The following ELAPOR1 variants were observed in gnomAD, a reference collection of about 807,000 sequenced individuals.
ELAPOR1 encodes the protein endosome-lysosome associated apoptosis and autophagy regulator 1, also known as endosome/lysosome-associated apoptosis and autophagy regulator 1.
Under a neutral mutation model 119.7 loss-of-function variants are expected in ELAPOR1, and 77 were observed. The observed-to-expected ratio is 0.64, with a 90% CI of 0.54 to 0.78. The LOEUF (loss-of-function observed/expected upper bound fraction) is 0.78, where lower values mean the gene tolerates loss of function less well. Ranked by LOEUF, ELAPOR1 falls within the 30% of genes least tolerant of loss-of-function variation. ELAPOR1 has a pLI of 0.00. For missense variants in ELAPOR1, 1,115 were observed against 1,270.4 expected (o/e 0.88, Z 1.86); for synonymous variants, 481 against 487.2 (o/e 0.99, Z 0.17).
intron 5 of ELAPOR1, among the ~76,000 whole-genome samples, 190 bp from the exon 6 acceptor site, chr1:109,173,284 G>A (rs1652037763): frequency 6.6e-6 from 1 of 152,038 alleles, no homozygotes; most frequent in African/African-American, 2.4e-5. Context: ...GGTTGTAAGA[G>A]GAGGCTTAGA....
At chr1:109,185,278 G>C (rs1427609505) in intron 8 of ELAPOR1, 145 bp downstream of exon 8, 1 of 648,304 alleles carries the variant, frequency 1.5e-6, no homozygotes, top group African/African-American at 1.8e-5. Context: ...CTAGGGCTAG[G>C]TGGGGTGGGG....
At position 109,191,404 on chromosome 1, in the gene ELAPOR1, A is replaced by G. The variant is rs754875094; in HGVS notation, c.1478A>G (p.Glu493Gly). ...QSVMADTENK[E>G]VARITFVFET... Reference sequence around the variant, plus strand: ...GTGATGGCAGACACAGAGAATAAAGAGGTGGCCAGAATCACATTTGTCTTT... The same window carrying G: ...GTGATGGCAGACACAGAGAATAAAGGGGTGGCCAGAATCACATTTGTCTTT... Residue 493 changes from glutamate to glycine, a missense_variant, in exon 12 of 22, where the codon GAG becomes GGG. Glu to Gly is a moderately conservative substitution (Grantham distance 98, BLOSUM62 -2). Transcript: ENST00000369939. 6.2e-7 allele frequency: 1 copy of G among 1,614,148 alleles called. No homozygotes were observed. The highest frequency in any genetic ancestry group is 1.7e-5 in the Admixed American group (1 of 60,016).
intron 1 of ELAPOR1, among the ~76,000 whole-genome samples, chr1:109,147,451 G>A (rs1650245025): frequency 6.6e-6 from 1 of 152,164 alleles, no homozygotes; most frequent in Non-Finnish European, 1.5e-5. Context: ...GTGTTTGTGT[G>A]TGGGGGTGTG....
At chr1:109,159,766 A>G (rs1374389183) in intron 1 of ELAPOR1, among the ~76,000 whole-genome samples, 1 of 152,208 alleles carries the variant, frequency 6.6e-6, no homozygotes. Context: ...CTTGCCTTAT[A>G]GGGAGTCGTG....
intron 1 of ELAPOR1, among the ~76,000 whole-genome samples, chr1:109,124,897 A>G (rs1180476405): frequency 6.6e-6 from 1 of 151,532 alleles, no homozygotes; most frequent in Non-Finnish European, 1.5e-5. Flanking sequence ...CTGGCTCCTC[A>G]CTCTACCACT....
Position 109,192,637 on chromosome 1 carries a change from C to T in ELAPOR1, c.1710C>T (p.Ala570=). 1 of 1,614,150 alleles carries T rather than the reference C, an allele frequency of 6.2e-7. No individual in the cohort carries two copies. Among genetic ancestry groups the T allele is most frequent in the Non-Finnish European group, 8.5e-7 (1 of 1,180,020 alleles). ...GCAGGAAGTACACCAATGACGTTGC[C>T]AAGATCTACTCCATCAATGTCACCA... The part of the protein sequence containing the change: ...EASRKYTNDV[A]KIYSINVTNV... The change falls in exon 14 of 22, where the codon GCC becomes GCT. Residue 570 remains alanine (A), a synonymous_variant. Transcript: ENST00000369939.
chr1:109,202,422 A>G (rs1445950250), intron 21 of ELAPOR1, among the ~76,000 whole-genome samples: 1 of 150,360 alleles, frequency 6.7e-6, no homozygotes, highest in African/African-American at 2.5e-5. Flanking sequence ...GCCTGGCCAA[A>G]AACATTTTTT....
chr1:109,119,465 T>C (rs1350556187), intron 1 of ELAPOR1, among the ~76,000 whole-genome samples: 2 of 150,892 alleles, frequency 1.3e-5, no homozygotes, highest in Non-Finnish European at 2.9e-5. Context: ...ATTACAGGTG[T>C]GAGCCACCGC....
intron 1 of ELAPOR1, among the ~76,000 whole-genome samples, chr1:109,133,393 C>T (rs1649271250): frequency 6.6e-6 from 1 of 151,316 alleles, no homozygotes; most frequent in South Asian, 2.1e-4. Context: ...GCTCACAGCC[C>T]ATGAAAAAAA....
rs150290648 is a variant in ELAPOR1 at position 109,125,305 on chromosome 1, A to G, written c.153+10969A>G. Among the ~76,000 whole-genome samples the G allele has an allele frequency of 2.2e-4, 33 of 151,674 alleles. No individual in the cohort carries two copies. The East Asian group carries it at 6.3e-3, about 29-fold the overall frequency. ...AGGCTGGTCTCGAACTCCTGACCTC[A>G]AGTGATCCAGCGCTCCTTGGCCTCT... is the stretch of plus-strand genomic sequence containing the variant. On this transcript the variant is annotated intron_variant, in intron 1 of 21. Coordinates refer to ENST00000369939, the MANE Select transcript of ELAPOR1 (RefSeq NM_020775.5).
intron 5 of ELAPOR1, 37 bp from the exon 6 acceptor site, chr1:109,173,437 T>C (rs1390777404): frequency 6.4e-7 from 1 of 1,567,644 alleles, no homozygotes; most frequent in Non-Finnish European, 8.8e-7. Flanking sequence ...GAGATTTTTC[T>C]CTGTGATGAA....
intron 1 of ELAPOR1, among the ~76,000 whole-genome samples, chr1:109,118,134 A>T (rs571388288): frequency 6.6e-6 from 1 of 152,266 alleles, no homozygotes; most frequent in African/African-American, 2.4e-5. Flanking sequence ...TCTCAAAAAA[A>T]AAAAGAAAGA....
intron 1 of ELAPOR1, among the ~76,000 whole-genome samples, chr1:109,144,061 A>ATATATATATATAT: frequency 2.1e-4 from 19 of 88,984 alleles, no homozygotes; most frequent in South Asian, 1.1e-3. Context: ...ATATTTATAT[A>ATATATATATATAT]TTTTTTTTTT....
intron 3 of ELAPOR1, among the ~76,000 whole-genome samples, chr1:109,165,848 G>T (rs1475674148): frequency 2.0e-5 from 3 of 150,576 alleles, no homozygotes; most frequent in Admixed American, 6.6e-5. Context: ...AGGTTCAAGT[G>T]TTTCTCCTCC....
At chr1:109,192,988 C>A in intron 14 of ELAPOR1, 114 bp downstream of exon 14, 2 of 1,202,342 alleles carry the variant, frequency 1.7e-6, no homozygotes, top group Non-Finnish European at 2.3e-6. Flanking sequence ...CTCCCCCTAG[C>A]ATACTCCTAG....
At chr1:109,150,811 G>T (rs957817331) in intron 1 of ELAPOR1, among the ~76,000 whole-genome samples, 2 of 152,206 alleles carry the variant, frequency 1.3e-5, no homozygotes, top group Non-Finnish European at 2.9e-5. Flanking sequence ...TTGAAAATCA[G>T]TGGGTTAAAG....
At chr1:109,151,396 A>T (rs1453036546) in intron 1 of ELAPOR1, among the ~76,000 whole-genome samples, 1 of 152,018 alleles carries the variant, frequency 6.6e-6, no homozygotes, top group East Asian at 1.9e-4. Flanking sequence ...ACAATGGGAA[A>T]CGTCCTCTTC....
chr1:109,177,515 C>G (rs1652418904), intron 7 of ELAPOR1, among the ~76,000 whole-genome samples: 8 of 135,014 alleles, frequency 5.9e-5, no homozygotes, highest in East Asian at 2.3e-4. Context: ...CGGGAAGAGG[C>G]GCTCCTCACT....
intron 3 of ELAPOR1, among the ~76,000 whole-genome samples, chr1:109,167,541 A>T (rs911335971): frequency 8.5e-5 from 13 of 152,132 alleles, no homozygotes; most frequent in Non-Finnish European, 4.4e-5. Flanking sequence ...AAGAGACTCC[A>T]AGCTCATCTC....
Sources: gnomAD v4.1 joint callset for allele counts (sites outside exome capture counted in the v4.1 genomes callset) on GRCh38, gnomAD v4.1.1 for gene constraint, MANE v1.5 for transcripts, NCBI Gene and HGNC (gene_info 2026-07-23, HGNC 2026-07-21) for gene names.